KMT5A: variants seen among roughly 807,000 people sequenced by gnomAD.
KMT5A encodes lysine methyltransferase 5A.
In KMT5A, 6 loss-of-function variants were observed where a neutral mutation model predicts 40.6. The observed-to-expected ratio is 0.15, with a 90% confidence interval of 0.08 to 0.29. The LOEUF (loss-of-function observed/expected upper bound fraction) is 0.29. KMT5A is among the 10% of genes least tolerant of loss of function. The pLI, the probability that KMT5A is intolerant of heterozygous loss-of-function variation, is 1.00. For missense variants in KMT5A, 308 were observed against 459.1 expected (o/e 0.67, Z 3.01); for synonymous variants, 153 against 178.8 (o/e 0.86, Z 1.15).
In KMT5A at chr12:123,384,375, C is replaced by T. The variant is rs1175860704; in HGVS notation, c.10+167C>T. Among the ~76,000 whole-genome samples, 4 of 152,052 alleles carry T rather than the reference C, an allele frequency of 2.6e-5. No homozygotes were observed. The highest frequency in any genetic ancestry group is 7.2e-5 in the African/African-American group (3 of 41,440). The stretch of plus-strand genomic sequence containing the variant: ...GGGGTGCTGCTGCGGAACCCGCCGG[C>T]CCCCCCTTGCGGCTCCAGATGCCCC... On this transcript the variant is annotated intron_variant, in intron 1 of 7. Coordinates refer to ENST00000402868, the MANE Select transcript of KMT5A (RefSeq NM_020382.7). The surrounding 1 kb of genome is among the most constrained non-coding windows in gnomAD (Gnocchi z 5.7).
chr12:123,398,430 G>C (rs28546238), intron 5 of KMT5A, among the ~76,000 whole-genome samples: 10,645 of 152,232 alleles, frequency 0.07, 413 homozygotes, highest in South Asian at 0.11. Context: ...ACTTTAGGGT[G>C]GGGGGAGCCG....
At chr12:123,406,946 G>A (rs1336197984) in intron 7 of KMT5A, among the ~76,000 whole-genome samples, 3 of 150,426 alleles carry the variant, frequency 2.0e-5, no homozygotes, top group African/African-American at 7.4e-5. Flanking sequence ...ACCCCGGGAG[G>A]CAGAGGTTGC....
At chr12:123,386,073 C>G (rs747722042) in intron 1 of KMT5A, among the ~76,000 whole-genome samples, 54 of 152,204 alleles carry the variant, frequency 3.5e-4, no homozygotes, top group Middle Eastern at 3.4e-3. Flanking sequence ...TCAGCTCCTC[C>G]CATGGCAGCT....
At chr12:123,394,199 G>A (rs955317772) in intron 3 of KMT5A, among the ~76,000 whole-genome samples, 4 of 150,248 alleles carry the variant, frequency 2.7e-5, no homozygotes, top group Non-Finnish European at 5.9e-5. Context: ...CGCCTCCCAG[G>A]TTCAAGCAGT....
intron 2 of KMT5A, chr12:123,390,133 T>G (rs545510428): frequency 2.8e-5 from 13 of 467,832 alleles, no homozygotes; most frequent in Non-Finnish European, 5.3e-5. Flanking sequence ...GCTGCGGGGC[T>G]GCAGTGATTT....
In KMT5A at chr12:123,384,145, T is replaced by A. The variant is rs1365895932; in HGVS notation, c.-54T>A. ...GAGCAGTTGGCTGAGTTGTTGCAAC[T>A]TTTTTCGAAAGCTGGGTTTCCCGGG... On this transcript the variant is annotated 5_prime_UTR_variant, in exon 1 of 8. Transcript: ENST00000402868. This position sits in a 1 kb window ranked among gnomAD's most constrained non-coding sequence, Gnocchi z 5.7. The A allele has an allele frequency of 6.2e-7, 1 of 1,609,892 alleles. No homozygotes were observed. Among genetic ancestry groups the A allele is most frequent in the Non-Finnish European group, 8.5e-7 (1 of 1,178,072 alleles).
At position 123,408,137 on chromosome 12, in the gene KMT5A, A is replaced by G. The variant is rs138046284; in HGVS notation, c.*434A>G. 297 of 182,714 alleles carry G rather than the reference A, an allele frequency of 1.6e-3. 4 individuals are homozygous for G. Among genetic ancestry groups the G allele is most frequent in the African/African-American group, 5.5e-3 (229 of 41,958 alleles). The allele number at this position is 182,714 out of a possible 1,614,324, so 11.3% of individuals were successfully genotyped here. A position where few individuals can be genotyped will look rare whatever the true frequency, so the allele number is the denominator to read the frequency against. On this transcript the variant is annotated 3_prime_UTR_variant, in exon 8 of 8. Coordinates refer to ENST00000402868, the MANE Select transcript of KMT5A (RefSeq NM_020382.7). ...GGTGTGAGGAAGACGCTGCCTCCCA[A>G]TGGCCTGGACGGGATGTTTCCAAGC...
chr12:123,403,549 C>G (rs1233624177), intron 5 of KMT5A, 24 bp from the exon 6 acceptor site: 1 of 1,613,592 alleles, frequency 6.2e-7, no homozygotes, highest in Non-Finnish European at 8.5e-7. Context: ...GATACTGATG[C>G]TGTTTTTCTT....
chr12:123,400,292 C>A (rs555421663), intron 5 of KMT5A, among the ~76,000 whole-genome samples: 53 of 152,096 alleles, frequency 3.5e-4, no homozygotes, highest in Admixed American at 9.8e-4. Context: ...GCCTCGGCCT[C>A]CCAAAGTGCT....
At chr12:123,386,942 AC>A (rs1355521715) in intron 1 of KMT5A, among the ~76,000 whole-genome samples, 2 of 151,436 alleles carry the variant, frequency 1.3e-5, no homozygotes, top group African/African-American at 4.9e-5. Context: ...TGCAAACTCC[AC>A]CCCCCTGGGT....
intron 2 of KMT5A, chr12:123,390,103 C>T (rs1026647778): frequency 6.4e-6 from 3 of 469,090 alleles, no homozygotes; most frequent in Admixed American, 4.7e-5. Context: ...GAGAGAAGTC[C>T]TCCCGTCGCA....
chr12:123,386,194 G>A (rs1195452173), intron 1 of KMT5A, among the ~76,000 whole-genome samples: 1 of 148,620 alleles, frequency 6.7e-6, no homozygotes. Context: ...CTATTAAATT[G>A]GATATTTAGA....
chr12:123,392,035 C>T (rs1462508288), intron 3 of KMT5A, among the ~76,000 whole-genome samples: 2 of 152,202 alleles, frequency 1.3e-5, no homozygotes, highest in African/African-American at 2.4e-5. Context: ...TCTTCTGAGC[C>T]TCTGTTCTCT....
rs200914410 is a variant in KMT5A, at chr12:123,405,690, T to C, written c.848+616T>C. Reference sequence around the variant, plus strand: ...CGTCACCACGCCCAGCTAATTCTTATATATTTTTTTAGTAGAGACAGGGTT... The same window carrying C: ...CGTCACCACGCCCAGCTAATTCTTACATATTTTTTTAGTAGAGACAGGGTT... On this transcript the variant is annotated intron_variant, in intron 7 of 7. Coordinates refer to ENST00000402868, the MANE Select transcript of KMT5A (RefSeq NM_020382.7). Among the ~76,000 whole-genome samples, 42 of 151,838 alleles carry C rather than the reference T, an allele frequency of 2.8e-4. No individual in the cohort carries two copies. The East Asian group carries it at 5.8e-3, about 21-fold the overall frequency.
intron 1 of KMT5A, among the ~76,000 whole-genome samples, chr12:123,386,116 T>G (rs1876858195): frequency 1.3e-5 from 2 of 152,142 alleles, no homozygotes; most frequent in Non-Finnish European, 2.9e-5. Flanking sequence ...TAGTTATTGA[T>G]TCTCACTGTC....
At chr12:123,405,516 CCTT>C (rs1402087420) in intron 7 of KMT5A, among the ~76,000 whole-genome samples, 1 of 28,856 alleles carries the variant, frequency 3.5e-5, no homozygotes, top group Admixed American at 5.3e-4. Context: ...TCGCCTGCTT[CCTT>C]TTTTTTTTTT....
In KMT5A at chr12:123,396,354, A is replaced by G. The variant is rs1264174023; in HGVS notation, c.519A>G (p.Gly173=). The G allele has an allele frequency of 1.2e-6, 2 of 1,613,080 alleles. No homozygotes were observed. The highest frequency in any genetic ancestry group is 2.2e-5 in the East Asian group (1 of 44,888). The stretch of plus-strand genomic sequence containing the variant: ...TTCCCCTCTTACCCAGAGCTCAAGG[A>G]AAAACGCAACAGAATCGCAAACTTA... The part of the protein sequence containing the change: ...GKQAPRKKAQ[G]KTQQNRKLTD... Residue 173 remains glycine, a synonymous_variant, in exon 5 of 8, where the codon GGA becomes GGG. Coordinates refer to ENST00000402868, the MANE Select transcript of KMT5A (RefSeq NM_020382.7).
At chr12:123,400,479 A>C (rs917490499) in intron 5 of KMT5A, among the ~76,000 whole-genome samples, 9 of 131,902 alleles carry the variant, frequency 6.8e-5, no homozygotes, top group African/African-American at 2.6e-4. Context: ...TCCTGCCTCA[A>C]CCTCCCAAGT....
chr12:123,389,107 C>T, intron 1 of KMT5A: 1 of 534 alleles, frequency 1.9e-3, no homozygotes, highest in Admixed American at 0.018. Context: ...CCGGCCCTTC[C>T]CCGGGGCGCC....
Sources: allele counts gnomAD v4.1 joint callset (sites outside exome capture counted in the v4.1 genomes callset), GRCh38; gene constraint gnomAD v4.1.1; non-coding constraint Gnocchi (gnomAD v3.1); transcripts MANE v1.5; gene names NCBI Gene and HGNC (gene_info 2026-07-23, HGNC 2026-07-21).